CHRM5: variants seen among roughly 807,000 people sequenced by gnomAD.
CHRM5 encodes cholinergic receptor muscarinic 5, also known as muscarinic acetylcholine receptor M5.
CHRM5 carries 18 observed loss-of-function variants against 39.0 expected under a neutral mutation model. The observed-to-expected ratio is 0.46, with a 90% confidence interval of 0.32 to 0.68. The LOEUF (loss-of-function observed/expected upper bound fraction) is 0.68, where lower values mean the gene tolerates loss of function less well. Ranked by LOEUF, CHRM5 falls within the 30% of genes least tolerant of loss-of-function variation. The pLI, the probability that CHRM5 is intolerant of heterozygous loss-of-function variation, is 0.04. For synonymous variants in CHRM5, 241 were observed against 246.3 expected, an observed-to-expected ratio of 0.98 and a Z score of 0.20; for missense variants, 515 against 651.1, an observed-to-expected ratio of 0.79 and a Z score of 2.28.
chr15:34,002,153 A>G (rs964559426), intron 1 of CHRM5, among the ~76,000 whole-genome samples: 1 of 152,182 alleles, frequency 6.6e-6, no homozygotes, highest in African/African-American at 2.4e-5. Flanking sequence ...CAATCTGCCA[A>G]TCTTATTCAA....
intron 1 of CHRM5, among the ~76,000 whole-genome samples, chr15:33,995,759 G>A (rs556372081): frequency 5.9e-5 from 9 of 152,334 alleles, no homozygotes; most frequent in South Asian, 2.1e-4. Flanking sequence ...AGCTCCCAGC[G>A]TGATCAATGC....
chr15:34,033,882 A>G (rs1354174158), intron 1 of CHRM5, among the ~76,000 whole-genome samples: 1 of 152,074 alleles, frequency 6.6e-6, no homozygotes, highest in African/African-American at 2.4e-5. Flanking sequence ...CCGCCTCCCA[A>G]GTTTAAGCGA....
chr15:34,033,232 G>A (rs1483670961), intron 1 of CHRM5, among the ~76,000 whole-genome samples: 5 of 152,154 alleles, frequency 3.3e-5, no homozygotes, highest in African/African-American at 4.8e-5. Context: ...AAGGCTGGGC[G>A]CGGTGGCTCA....
intron 1 of CHRM5, among the ~76,000 whole-genome samples, chr15:34,007,470 C>T (rs1897406919): frequency 6.6e-6 from 1 of 152,182 alleles, no homozygotes; most frequent in Non-Finnish European, 1.5e-5. Flanking sequence ...CTCTAGTGTC[C>T]ATTAACATGT....
chr15:34,051,187 G>C (rs1195259586), intron 2 of CHRM5, among the ~76,000 whole-genome samples: 1 of 152,168 alleles, frequency 6.6e-6, no homozygotes, highest in Non-Finnish European at 1.5e-5. Context: ...TCAAGATTAA[G>C]AAATTCACTC....
At chr15:34,024,472 CAAAAA>C (rs10531898) in intron 1 of CHRM5, among the ~76,000 whole-genome samples, 6 of 101,924 alleles carry the variant, frequency 5.9e-5, no homozygotes, top group Non-Finnish European at 1.0e-4. Context: ...GACCCTGTCT[CAAAAA>C]AAAAAAAAAA....
chr15:34,015,986 C>T lies in CHRM5; in HGVS notation c.-407-30554C>T, dbSNP rs138946721. 2.7e-3 allele frequency among the ~76,000 whole-genome samples: 408 copies of T among 152,220 alleles called. 5 individuals are homozygous for T. The highest frequency in any genetic ancestry group is 8.9e-3 in the African/African-American group (369 of 41,554). On this transcript the variant is annotated intron_variant, in intron 1 of 2. Coordinates refer to ENST00000383263, the MANE Select transcript of CHRM5 (RefSeq NM_012125.4). ...ACAGTAACCATTATGTGACATAAAA[C>T]TGGAAAGCGGCTGGGCGCGGTGGCT...
chr15:33,977,117 A>G (rs960926260), intron 1 of CHRM5, among the ~76,000 whole-genome samples: 4 of 152,240 alleles, frequency 2.6e-5, no homozygotes, highest in African/African-American at 9.6e-5. Context: ...AGGAAGGTTG[A>G]AAGGCTGTCT....
intron 1 of CHRM5, among the ~76,000 whole-genome samples, chr15:34,032,951 T>C (rs1339306840): frequency 6.6e-6 from 1 of 152,216 alleles, no homozygotes; most frequent in Non-Finnish European, 1.5e-5. Context: ...ATTCTTAAAA[T>C]ACTTTAAAAA....
chr15:33,974,059 G>C (rs1212800718), intron 1 of CHRM5, among the ~76,000 whole-genome samples: 1 of 152,090 alleles, frequency 6.6e-6, no homozygotes, highest in East Asian at 1.9e-4. Context: ...GATATTATGA[G>C]GTATGCAAAT....
chr15:34,033,044 T>C (rs1898936384), intron 1 of CHRM5, among the ~76,000 whole-genome samples: 1 of 152,172 alleles, frequency 6.6e-6, no homozygotes, highest in East Asian at 1.9e-4. Context: ...CATCTACCTA[T>C]TTATGTGAAC....
intron 1 of CHRM5, chr15:34,038,663 C>CGCCGGG (rs1899284940): frequency 1.0e-6 from 1 of 998,908 alleles, no homozygotes; most frequent in Non-Finnish European, 1.2e-6. Flanking sequence ...CAGGCGCCGG[C>CGCCGGG]GCCGCCGCCC....
chr15:33,978,346 T>TA (rs1213799798), intron 1 of CHRM5, among the ~76,000 whole-genome samples: 1 of 152,034 alleles, frequency 6.6e-6, no homozygotes, highest in African/African-American at 2.4e-5. Flanking sequence ...ATTTAATAAT[T>TA]GGAAATAAAA....
intron 1 of CHRM5, among the ~76,000 whole-genome samples, chr15:34,042,406 T>G (rs868458406): frequency 2.0e-5 from 3 of 150,406 alleles, no homozygotes; most frequent in Non-Finnish European, 3.0e-5. Context: ...GTTTTTTTTT[T>G]TTTTTTTTTT....
intron 1 of CHRM5, among the ~76,000 whole-genome samples, chr15:33,994,435 T>A (rs908714963): frequency 6.6e-6 from 1 of 152,226 alleles, no homozygotes. Flanking sequence ...TCACTACATA[T>A]CACAATGTAA....
At chr15:33,993,125 T>C (rs1333748626) in intron 1 of CHRM5, among the ~76,000 whole-genome samples, 1 of 152,166 alleles carries the variant, frequency 6.6e-6, no homozygotes, top group African/African-American at 2.4e-5. Context: ...ACAATGCATA[T>C]TGCATGAATT....
chr15:33,968,685 A>G lies in CHRM5; in HGVS notation c.-873A>G, dbSNP rs1597286887. The G allele has an allele frequency of 6.6e-6, 1 of 152,174 alleles. No homozygotes were observed. Among genetic ancestry groups the G allele is most frequent in the Admixed American group, 6.6e-5 (1 of 15,260 alleles). 9.4% of individuals were successfully genotyped at this position (152,174 alleles called of 1,614,324 possible). A position where few individuals can be genotyped will look rare whatever the true frequency, so the allele number is the denominator to read the frequency against. The stretch of plus-strand genomic sequence containing the variant: ...ACTGAAAAGTTCGTATGGAGAAAGG[A>G]AAGCAAGAGTGCAAGAACATCCATG... On this transcript the variant is annotated 5_prime_UTR_variant, in exon 1 of 3. Coordinates refer to ENST00000383263, the MANE Select transcript of CHRM5 (RefSeq NM_012125.4).
At chr15:34,013,593 T>C (rs1220332271) in intron 1 of CHRM5, among the ~76,000 whole-genome samples, 3 of 152,162 alleles carry the variant, frequency 2.0e-5, no homozygotes, top group Admixed American at 2.0e-4. Context: ...GCATTGGGAA[T>C]ACAAAGACCA....
At chr15:34,060,429 A>G (rs1331298937) in intron 2 of CHRM5, among the ~76,000 whole-genome samples, 2 of 152,222 alleles carry the variant, frequency 1.3e-5, no homozygotes, top group African/African-American at 4.8e-5. Flanking sequence ...TACAGCTGAA[A>G]ATATAAAGCA....
Sources: allele counts gnomAD v4.1 joint callset (sites outside exome capture counted in the v4.1 genomes callset), GRCh38; gene constraint gnomAD v4.1.1; transcripts MANE v1.5; gene names NCBI Gene and HGNC (gene_info 2026-07-23, HGNC 2026-07-21).